Variants in SLC24A2 observed in about 807,000 individuals in gnomAD.
SLC24A2 encodes sodium/potassium/calcium exchanger 2.
SLC24A2 carries 36 observed loss-of-function variants against 62.0 expected under a neutral mutation model. The ratio of observed to expected loss-of-function variants is 0.58; its 90% CI spans 0.44 to 0.77. SLC24A2 has a LOEUF of 0.77. SLC24A2 is among the 30% of genes least tolerant of loss of function. The pLI, the probability that SLC24A2 is intolerant of heterozygous loss-of-function variation, is 0.00. For missense variants in SLC24A2, 846 were observed against 817.9 expected, an observed-to-expected ratio of 1.03 and a Z score of -0.42; for synonymous variants, 358 against 294.0, an observed-to-expected ratio of 1.22 and a Z score of -2.23.
At chr9:20,266,617 T>C in the SLC24A2 span, among the ~76,000 whole-genome samples, 1 of 152,310 alleles carries the variant, frequency 6.6e-6, no homozygotes, top group Non-Finnish European at 1.5e-5. Flanking sequence ...CACAAAATTA[T>C]AAACAATGGC....
chr9:19,856,869 ATCCCCCT>A, the SLC24A2 span, among the ~76,000 whole-genome samples: 1 of 152,156 alleles, frequency 6.6e-6, no homozygotes, highest in Admixed American at 6.5e-5. Flanking sequence ...ATCTGGACAA[ATCCCCCT>A]TATCTGGACT....
chr9:19,660,335 C>T (rs956405944), intron 2 of SLC24A2, among the ~76,000 whole-genome samples: 5 of 152,172 alleles, frequency 3.3e-5, no homozygotes, highest in African/African-American at 4.8e-5. Context: ...TGTCTCAGTG[C>T]ATTTATATTT....
At chr9:20,250,929 C>T in the SLC24A2 span, among the ~76,000 whole-genome samples, 8 of 152,244 alleles carry the variant, frequency 5.3e-5, no homozygotes, top group South Asian at 1.0e-3. Flanking sequence ...CCTGATTCCT[C>T]GAAGCGCACT....
the SLC24A2 span, among the ~76,000 whole-genome samples, chr9:19,838,366 A>G: frequency 2.3e-4 from 35 of 152,244 alleles, no homozygotes; most frequent in African/African-American, 6.5e-4. Context: ...GGCTAGCCAT[A>G]TGGAGAAAGC....
chr9:19,853,537 A>G, the SLC24A2 span, among the ~76,000 whole-genome samples: 1 of 152,206 alleles, frequency 6.6e-6, no homozygotes, highest in Admixed American at 6.5e-5. Context: ...AATTTTATCG[A>G]AGGACCTTTC....
At chr9:20,305,807 A>G in the SLC24A2 span, among the ~76,000 whole-genome samples, 10 of 152,228 alleles carry the variant, frequency 6.6e-5, no homozygotes, top group Non-Finnish European at 1.5e-4. Context: ...AAAGTACCAT[A>G]GACTGGGCAG....
At chr9:20,300,468 A>T in the SLC24A2 span, among the ~76,000 whole-genome samples, 2 of 152,166 alleles carry the variant, frequency 1.3e-5, no homozygotes, top group East Asian at 3.9e-4. Context: ...ATACCCATAG[A>T]CTCTTACTAT....
intron 8 of SLC24A2, among the ~76,000 whole-genome samples, chr9:19,546,229 C>T (rs1183005487): frequency 2.0e-5 from 3 of 152,352 alleles, no homozygotes; most frequent in Non-Finnish European, 4.4e-5. Flanking sequence ...AGAGCTTGAA[C>T]GTTGTGCTCT....
chr9:19,979,104 A>T, the SLC24A2 span, among the ~76,000 whole-genome samples: 6 of 152,184 alleles, frequency 3.9e-5, no homozygotes, highest in African/African-American at 1.4e-4. Flanking sequence ...GAATGCAAGT[A>T]ATGAAGACAT....
chr9:19,675,044 G>T (rs188161365), intron 2 of SLC24A2, among the ~76,000 whole-genome samples: 7 of 152,250 alleles, frequency 4.6e-5, no homozygotes, highest in Admixed American at 1.3e-4. Flanking sequence ...TGTCCCACAG[G>T]GTGCTCCCTT....
the SLC24A2 span, among the ~76,000 whole-genome samples, chr9:20,272,629 A>T: frequency 6.6e-6 from 1 of 152,344 alleles, no homozygotes; most frequent in East Asian, 1.9e-4. Context: ...TCATATAAAC[A>T]TACAAACCAG....
the SLC24A2 span, among the ~76,000 whole-genome samples, chr9:20,100,092 C>G: frequency 3.3e-5 from 5 of 152,236 alleles, no homozygotes; most frequent in Non-Finnish European, 7.4e-5. Context: ...AATTGACAGC[C>G]TCGTCCTCCT....
rs556721249 is a variant in SLC24A2, at chr9:19,763,696, C to T, written c.930+22241G>A. 2.8e-4 allele frequency among the ~76,000 whole-genome samples: 42 copies of T among 152,286 alleles called. 1 individual carries two copies. The highest frequency in any genetic ancestry group is 3.4e-3 in the Middle Eastern group (1 of 294). The stretch of plus-strand genomic sequence containing the variant: ...CATGGTGGATAAGCTTTTTAATGTG[C>T]TGCTGGATTCGGTTTGCCAGCATTT... On this transcript the variant is annotated intron_variant, in intron 2 of 10. Transcript: ENST00000341998.
chr9:20,094,399 A>G, the SLC24A2 span, among the ~76,000 whole-genome samples: 1 of 152,346 alleles, frequency 6.6e-6, no homozygotes, highest in African/African-American at 2.4e-5. Flanking sequence ...TGTCACTACA[A>G]CAAAAGGAAC....
chr9:20,127,738 T>C, the SLC24A2 span, among the ~76,000 whole-genome samples: 1 of 152,260 alleles, frequency 6.6e-6, no homozygotes, highest in Admixed American at 6.5e-5. Flanking sequence ...GGAACAGTCA[T>C]GGCAAGAAGT....
At chr9:20,019,190 G>T in the SLC24A2 span, among the ~76,000 whole-genome samples, 1 of 121,782 alleles carries the variant, frequency 8.2e-6, no homozygotes, top group Non-Finnish European at 1.8e-5. Context: ...AGAAGGAAAA[G>T]AAAGAAAGAA....
the SLC24A2 span, among the ~76,000 whole-genome samples, chr9:20,105,823 C>G: frequency 6.6e-6 from 1 of 151,952 alleles, no homozygotes; most frequent in Non-Finnish European, 1.5e-5. Context: ...CAAAAGCTAG[C>G]AGAAGGCAAG....
intron 2 of SLC24A2, among the ~76,000 whole-genome samples, chr9:19,758,719 T>A (rs903091031): frequency 2.6e-5 from 4 of 152,158 alleles, no homozygotes; most frequent in African/African-American, 7.2e-5. Flanking sequence ...AAGAAACTTA[T>A]CAGGATTGGT....
At chr9:20,149,149 C>A in the SLC24A2 span, among the ~76,000 whole-genome samples, 1 of 151,916 alleles carries the variant, frequency 6.6e-6, no homozygotes, top group African/African-American at 2.4e-5. Flanking sequence ...GTGAAAAGTC[C>A]TGGTGAGAAA....
Sources: allele counts gnomAD v4.1 joint callset (sites outside exome capture counted in the v4.1 genomes callset), GRCh38; gene constraint gnomAD v4.1.1; transcripts MANE v1.5; gene names NCBI Gene and HGNC (gene_info 2026-07-23, HGNC 2026-07-21).